The following CDH19 variants were observed in gnomAD, a reference collection of about 807,000 sequenced individuals.
CDH19 encodes cadherin 19.
CDH19 carries 67 observed loss-of-function variants against 64.2 expected under a neutral mutation model. That is an observed-to-expected ratio of 1.04 (90% CI 0.86 to 1.28). The LOEUF (loss-of-function observed/expected upper bound fraction) is 1.28, where lower values mean the gene tolerates loss of function less well. Among genes scored for constraint, CDH19 ranks in the 50% most tolerant of loss-of-function variants. CDH19 has a pLI of 0.00. For missense variants in CDH19, 1,030 were observed against 929.0 expected (o/e 1.11, Z -1.41); for synonymous variants, 346 against 319.3 (o/e 1.08, Z -0.89).
At chr18:66,579,509 T>G (rs541382745) in intron 1 of CDH19, among the ~76,000 whole-genome samples, 14 of 152,078 alleles carry the variant, frequency 9.2e-5, no homozygotes, top group Middle Eastern at 3.4e-3. Flanking sequence ...CGACTTTGAG[T>G]CTGCATTTTA....
intron 1 of CDH19, among the ~76,000 whole-genome samples, chr18:66,576,110 TAAAGAAAAAATA>T (rs1988259030): frequency 6.6e-6 from 1 of 150,538 alleles, no homozygotes; most frequent in East Asian, 2.0e-4. Flanking sequence ...ATACTCAATC[TAAAGAAAAAATA>T]AAAGAAAAAA....
At chr18:66,580,108 C>T (rs181003924) in intron 1 of CDH19, among the ~76,000 whole-genome samples, 42 of 151,992 alleles carry the variant, frequency 2.8e-4, no homozygotes, top group African/African-American at 8.7e-4. Flanking sequence ...TACAGCAATT[C>T]GTACTTTTAA....
chr18:66,540,265 T>C (rs1986837345), intron 7 of CDH19, among the ~76,000 whole-genome samples: 1 of 152,180 alleles, frequency 6.6e-6, no homozygotes, highest in South Asian at 2.1e-4. Flanking sequence ...CTCTTTTTTT[T>C]CTAACAGGAA....
chr18:66,562,817 T>C (rs1599017825), intron 3 of CDH19, among the ~76,000 whole-genome samples: 1 of 152,128 alleles, frequency 6.6e-6, no homozygotes, highest in African/African-American at 2.4e-5. Flanking sequence ...TAAAACTACA[T>C]AGAAATTTTA....
At chr18:66,540,317 T>C (rs1598995119) in intron 7 of CDH19, among the ~76,000 whole-genome samples, 1 of 152,104 alleles carries the variant, frequency 6.6e-6, no homozygotes, top group Non-Finnish European at 1.5e-5. Flanking sequence ...TATTTCAAAG[T>C]TTGACTTTAG....
intron 3 of CDH19, among the ~76,000 whole-genome samples, chr18:66,560,970 T>A (rs1477106816): frequency 6.6e-6 from 1 of 152,094 alleles, no homozygotes; most frequent in African/African-American, 2.4e-5. Context: ...AAATCTTTTT[T>A]AGAGAAGATT....
chr18:66,585,764 G>T (rs1193396057), intron 1 of CDH19, among the ~76,000 whole-genome samples: 2 of 151,884 alleles, frequency 1.3e-5, no homozygotes, highest in African/African-American at 2.4e-5. Flanking sequence ...TATTTTCCCT[G>T]ATGTATATGT....
intron 3 of CDH19, among the ~76,000 whole-genome samples, chr18:66,566,421 G>A (rs1056512413): frequency 6.6e-6 from 1 of 151,218 alleles, no homozygotes; most frequent in Non-Finnish European, 1.5e-5. Flanking sequence ...CAATTGAATA[G>A]TCATAAACAA....
intron 1 of CDH19, among the ~76,000 whole-genome samples, chr18:66,599,000 G>T (rs549683931): frequency 6.6e-6 from 1 of 151,978 alleles, no homozygotes; most frequent in Non-Finnish European, 1.5e-5. Flanking sequence ...GTTTCAAATT[G>T]TATAATATAA....
At chr18:66,575,338 A>C (rs561888629) in intron 1 of CDH19, among the ~76,000 whole-genome samples, 1 of 151,948 alleles carries the variant, frequency 6.6e-6, no homozygotes, top group East Asian at 1.9e-4. Flanking sequence ...CTCATCAGAA[A>C]TGCTGGAGAA....
intron 7 of CDH19, among the ~76,000 whole-genome samples, chr18:66,541,776 A>C (rs1986895822): frequency 6.6e-6 from 1 of 152,164 alleles, no homozygotes; most frequent in African/African-American, 2.4e-5. Context: ...AATAATTGCC[A>C]GTATAAAGGT....
chr18:66,529,772 A>C, intron 9 of CDH19, 73 bp downstream of exon 9: 1 of 737,706 alleles, frequency 1.4e-6, no homozygotes. Context: ...ATATTGTATA[A>C]TATATGAAGA....
At chr18:66,528,640 A>G (rs1003007702) in intron 9 of CDH19, among the ~76,000 whole-genome samples, 2 of 131,398 alleles carry the variant, frequency 1.5e-5, no homozygotes, top group Middle Eastern at 3.6e-3. Flanking sequence ...AGCTTAATGA[A>G]ATTCAGTCAT....
At chr18:66,521,534 T>TA (rs1568176431) in intron 9 of CDH19, among the ~76,000 whole-genome samples, 420 of 81,560 alleles carry the variant, frequency 5.1e-3, no homozygotes, top group African/African-American at 0.016. Context: ...TTTGTTTGTT[T>TA]GTTTGTTTGT....
At chr18:66,530,008 A>C in intron 8 of CDH19, 42 bp from the exon 9 acceptor site, 2 of 1,060,772 alleles carry the variant, frequency 1.9e-6, no homozygotes, top group Non-Finnish European at 2.6e-6. Context: ...ACATATTTTA[A>C]TATGTCTTTA....
intron 1 of CDH19, among the ~76,000 whole-genome samples, chr18:66,588,605 C>CATATACATATATATATATAT (rs1988644480): frequency 1.7e-5 from 2 of 116,732 alleles, no homozygotes; most frequent in African/African-American, 5.4e-5. Context: ...TTTTACTAAT[C>CATATACATATATATATATAT]ATATATATCT....
intron 9 of CDH19, among the ~76,000 whole-genome samples, chr18:66,526,786 T>G (rs1370699651): frequency 6.6e-6 from 1 of 152,048 alleles, no homozygotes; most frequent in Admixed American, 6.6e-5. Flanking sequence ...TGAAAGTTTG[T>G]GTGAAGAATG....
At chr18:66,529,142 G>T (rs1273929112) in intron 9 of CDH19, among the ~76,000 whole-genome samples, 2 of 151,850 alleles carry the variant, frequency 1.3e-5, no homozygotes, top group African/African-American at 4.8e-5. Context: ...GTGAAGTAAT[G>T]ATAATGTATT....
At chr18:66,532,003 C>G (rs1162276535) in intron 8 of CDH19, among the ~76,000 whole-genome samples, 1 of 151,980 alleles carries the variant, frequency 6.6e-6, no homozygotes, top group Non-Finnish European at 1.5e-5. Context: ...TAATCTTTCT[C>G]TCTCTCAGGC....
Sources: allele counts gnomAD v4.1 joint callset (sites outside exome capture counted in the v4.1 genomes callset), GRCh38; gene constraint gnomAD v4.1.1; transcripts MANE v1.5; gene names NCBI Gene and HGNC (gene_info 2026-07-23, HGNC 2026-07-21).